ANKRD18B: variants seen among roughly 807,000 people sequenced by gnomAD.
The protein encoded by ANKRD18B is ankyrin repeat domain 18B.
ANKRD18B carries 75 observed loss-of-function variants against 111.8 expected under a neutral mutation model. The ratio of observed to expected loss-of-function variants is 0.67; its 90% CI spans 0.56 to 0.81. The LOEUF is 0.81. Ranked by LOEUF, ANKRD18B falls within the 40% of genes least tolerant of loss-of-function variation. The pLI is 0.00. For synonymous variants in ANKRD18B, 356 were observed against 417.3 expected (o/e 0.85, Z 1.79); for missense variants, 1,038 against 1,225.5 (o/e 0.85, Z 2.28).
At position 33,568,904 on chromosome 9, in the gene ANKRD18B, TG is replaced by T. The variant is rs1183591675; in HGVS notation, c.3177+12del. ...AACTCCTTGACTGAGGTTAGTTATATGACCATTTCTCTTTTGGGTTTCATTT... is the reference window on the plus strand; with the variant it reads ...AACTCCTTGACTGAGGTTAGTTATATACCATTTCTCTTTTGGGTTTCATTT... On this transcript the variant is annotated intron_variant, in intron 17 of 18. Transcript: ENST00000684830. The T allele has an allele frequency of 9.2e-6, 14 of 1,521,974 alleles. No homozygotes were observed. The African/African-American group carries it at 1.8e-4, about 20-fold the overall frequency. 94.3% of individuals were successfully genotyped at this position (1,521,974 alleles called of 1,614,324 possible). A position where few individuals can be genotyped will look rare whatever the true frequency, so the allele number is the denominator to read the frequency against.
intron 1 of ANKRD18B, among the ~76,000 whole-genome samples, chr9:33,527,798 T>C (rs566169333): frequency 6.6e-6 from 1 of 152,340 alleles, no homozygotes; most frequent in Admixed American, 6.5e-5. Flanking sequence ...TAAGGCCTCA[T>C]GGATTGTGTG....
In ANKRD18B at chr9:33,524,421, G is replaced by A; in HGVS notation, c.-69G>A. The stretch of plus-strand genomic sequence containing the variant: ...GGGATCTCGAATTTGGAGCTGGGTG[G>A]GGGTGGAAAGGCCACGAGGAGCCGC... On this transcript the variant is annotated 5_prime_UTR_variant, in exon 1 of 19. Coordinates refer to ENST00000684830, the MANE Select transcript of ANKRD18B (RefSeq NM_001393611.1). 6.8e-7 allele frequency: 1 copy of A among 1,462,944 alleles called. No homozygotes were observed. Among genetic ancestry groups the A allele is most frequent in the Non-Finnish European group, 9.1e-7 (1 of 1,101,856 alleles). The allele number at this position is 1,462,944 out of a possible 1,614,324, so 90.6% of individuals were successfully genotyped here. A position where few individuals can be genotyped will look rare whatever the true frequency, so the allele number is the denominator to read the frequency against.
chr9:33,543,548 ATTGAG>A (rs201837718), intron 10 of ANKRD18B, among the ~76,000 whole-genome samples: 26,095 of 152,028 alleles, frequency 0.17, 2,725 homozygotes, highest in Non-Finnish European at 0.23. Flanking sequence ...AACATCAAAA[ATTGAG>A]TTGTATTACT....
At chr9:33,566,638 G>A (rs2058917474) in intron 15 of ANKRD18B, 138 bp downstream of exon 15, 2 of 1,059,690 alleles carry the variant, frequency 1.9e-6, no homozygotes, top group African/African-American at 1.7e-5. Context: ...CTAGAAAAAA[G>A]TGACGTTTTT....
At chr9:33,553,970 G>A (rs1346050858) in intron 12 of ANKRD18B, among the ~76,000 whole-genome samples, 1 of 151,566 alleles carries the variant, frequency 6.6e-6, no homozygotes, top group Non-Finnish European at 1.5e-5. Context: ...TACTTGGGAG[G>A]CTGAGGCAGG....
At chr9:33,564,451 A>G (rs1275916495) in intron 14 of ANKRD18B, among the ~76,000 whole-genome samples, 2 of 152,178 alleles carry the variant, frequency 1.3e-5, no homozygotes, top group Non-Finnish European at 2.9e-5. Flanking sequence ...TTGTTGATGG[A>G]CATGTAGGTT....
At chr9:33,569,261 C>CTTT (rs67285532) in intron 17 of ANKRD18B, 37 of 98,518 alleles carry the variant, frequency 3.8e-4, no homozygotes, top group African/African-American at 6.7e-4. Flanking sequence ...GTTCATATCA[C>CTTT]TTTTTTTTTT....
At chr9:33,561,207 T>C (rs1483359550) in intron 14 of ANKRD18B, among the ~76,000 whole-genome samples, 3 of 152,210 alleles carry the variant, frequency 2.0e-5, no homozygotes, top group South Asian at 2.1e-4. Context: ...TTATTTTCTC[T>C]TTTTTATTGA....
chr9:33,575,309 T>G (rs1382812518), downstream of ANKRD18B, among the ~76,000 whole-genome samples: 1 of 144,906 alleles, frequency 6.9e-6, no homozygotes, highest in Non-Finnish European at 1.5e-5. Flanking sequence ...TGCCTGCATC[T>G]GACCCCCCTT....
chr9:33,557,024 C>T (rs1047916842), intron 13 of ANKRD18B, among the ~76,000 whole-genome samples: 8 of 152,160 alleles, frequency 5.3e-5, no homozygotes, highest in African/African-American at 1.9e-4. Context: ...AACACAGCTA[C>T]TTTTCCATGT....
intron 17 of ANKRD18B, among the ~76,000 whole-genome samples, chr9:33,569,597 CTT>C (rs1287425621): frequency 6.6e-6 from 1 of 152,128 alleles, no homozygotes; most frequent in Admixed American, 6.6e-5. Flanking sequence ...CAACTTAACT[CTT>C]TCCACCCATA....
chr9:33,548,528 G>A lies in ANKRD18B; in HGVS notation c.1740G>A (p.Leu580=). 3 of 1,550,992 alleles carry A rather than the reference G, an allele frequency of 1.9e-6. No individual in the cohort carries two copies. Among genetic ancestry groups the A allele is most frequent in the Non-Finnish European group, 1.7e-6 (2 of 1,146,594 alleles). ...EKTLALESVQ[L]DLKQAQHRIK... ...CATTGGCTTTAGAAAGTGTACAGCT[G>A]GACCTAAAGCAAGCGCAGCATCGAA... Residue 580 remains leucine, a synonymous_variant, in exon 11 of 19, where the codon CTG becomes CTA. Coordinates refer to ENST00000684830, the MANE Select transcript of ANKRD18B (RefSeq NM_001393611.1).
chr9:33,533,379 T>A, intron 3 of ANKRD18B, 60 bp from the exon 4 acceptor site: 1 of 1,500,542 alleles, frequency 6.7e-7, no homozygotes, highest in Non-Finnish European at 8.9e-7. Context: ...TAGAAGATTT[T>A]TAGTTCAGTG....
Position 33,566,907 on chromosome 9 carries a change from C to G in ANKRD18B, c.2743-196C>G, listed in dbSNP as rs1828694119. 1.6e-5 allele frequency: 9 copies of G among 571,750 alleles called. No individual in the cohort carries two copies. The East Asian group carries it at 3.0e-4, about 19-fold the overall frequency. 35.4% of individuals were successfully genotyped at this position (571,750 alleles called of 1,614,324 possible). A position where few individuals can be genotyped will look rare whatever the true frequency, so the allele number is the denominator to read the frequency against. On this transcript the variant is annotated intron_variant, in intron 15 of 18. Coordinates refer to ENST00000684830, the MANE Select transcript of ANKRD18B (RefSeq NM_001393611.1). ...ATTAATACTAACATAATTATGATTCCAAATTTTTATAAATCAGACAATTCT... is the reference window on the plus strand; with the variant it reads ...ATTAATACTAACATAATTATGATTCGAAATTTTTATAAATCAGACAATTCT...
chr9:33,569,608 T>C (rs1457394290), intron 17 of ANKRD18B, among the ~76,000 whole-genome samples: 2 of 152,100 alleles, frequency 1.3e-5, no homozygotes, highest in African/African-American at 4.8e-5. Flanking sequence ...TTTCCACCCA[T>C]AATCACAAGC....
intron 10 of ANKRD18B, among the ~76,000 whole-genome samples, chr9:33,545,807 C>T (rs1157613442): frequency 6.6e-6 from 1 of 152,192 alleles, no homozygotes; most frequent in Non-Finnish European, 1.5e-5. Flanking sequence ...TCCCTTGCTG[C>T]TTCTCTTTTT....
In ANKRD18B at chr9:33,528,716, C is replaced by T. The variant is rs754819639; in HGVS notation, c.207-11C>T. On this transcript the variant is annotated splice_polypyrimidine_tract_variant and intron_variant, in intron 1 of 18. Transcript: ENST00000684830. ...CACTACATTTCCTGAAAACCCCTCT[C>T]GCTCTCCTAGGACTGTTCTACATTT... 12 of 1,574,518 alleles carry T rather than the reference C, an allele frequency of 7.6e-6. No homozygotes were observed. Among genetic ancestry groups the T allele is most frequent in the East Asian group, 6.8e-5 (3 of 44,384 alleles).
intron 18 of ANKRD18B, chr9:33,571,982 A>G (rs1828786721): frequency 1.6e-5 from 4 of 256,936 alleles, no homozygotes; most frequent in South Asian, 6.1e-5. Context: ...ATGACTCTAT[A>G]TGGACATTAC....
chr9:33,528,569 G>A, intron 1 of ANKRD18B, 158 bp from the exon 2 acceptor site: 1 of 561,064 alleles, frequency 1.8e-6, no homozygotes, highest in Non-Finnish European at 3.1e-6. Flanking sequence ...TTAAGGTAGG[G>A]AGCAGTAAGA....
Sources: gnomAD v4.1 joint callset for allele counts (sites outside exome capture counted in the v4.1 genomes callset) on GRCh38, gnomAD v4.1.1 for gene constraint, MANE v1.5 for transcripts, NCBI Gene and HGNC (gene_info 2026-07-23, HGNC 2026-07-21) for gene names.